PALM2AKAP2: variants seen among roughly 807,000 people sequenced by gnomAD.
The protein encoded by PALM2AKAP2 is PALM2 and AKAP2 fusion.
In PALM2AKAP2, 37 loss-of-function variants were observed where a neutral mutation model predicts 71.5. That is an observed-to-expected ratio of 0.52 (90% CI 0.40 to 0.68). PALM2AKAP2 has a LOEUF of 0.68. Ranked by LOEUF, PALM2AKAP2 falls within the 30% of genes least tolerant of loss-of-function variation. PALM2AKAP2 has a pLI of 0.00. For synonymous variants in PALM2AKAP2, 468 were observed against 478.8 expected (o/e 0.98, Z 0.29); for missense variants, 1,224 against 1,191.8 (o/e 1.03, Z -0.40).
intron 1 of PALM2AKAP2, among the ~76,000 whole-genome samples, chr9:110,070,526 C>T (rs1401929162): frequency 6.6e-6 from 1 of 152,102 alleles, no homozygotes; most frequent in Non-Finnish European, 1.5e-5. Context: ...TCAGTCGATC[C>T]TCTCATTTTT....
chr9:110,125,016 T>G (rs1045941778), intron 1 of PALM2AKAP2, among the ~76,000 whole-genome samples: 1 of 152,162 alleles, frequency 6.6e-6, no homozygotes, highest in African/African-American at 2.4e-5. Context: ...ATATTTTTTA[T>G]TTTCTAAATG....
rs10980036 is a variant in PALM2AKAP2, at chr9:109,780,816, G to C, written c.45+283G>C. On this transcript the variant is annotated intron_variant, in intron 1 of 9. Coordinates refer to the PALM2AKAP2 transcript ENST00000302798. ...GAAGGACTAAACAGAGGCTTGGGGT[G>C]GGGGGACGACTCCAGGAATATTATG... Among the ~76,000 whole-genome samples the C allele has an allele frequency of 5.9e-3, 897 of 152,264 alleles. 7 individuals are homozygous for C. The highest frequency in any genetic ancestry group is 0.019 in the African/African-American group (793 of 41,552).
At position 109,718,785 on chromosome 9, in the gene PALM2AKAP2, G is replaced by T. The variant is rs1293141711; in HGVS notation, c.6-61703G>T. 3.3e-5 allele frequency among the ~76,000 whole-genome samples: 5 copies of T among 152,122 alleles called. No individual in the cohort carries two copies. In the South Asian group the frequency reaches 8.3e-4, roughly 25 times the overall value. On this transcript the variant is annotated intron_variant, in intron 1 of 6. Coordinates refer to the PALM2AKAP2 transcript ENST00000374531. ...AGGAGTGGAGAAATGCCCTACTCAGGTTGATGTTTTTTCTTGCTCCGGGAG... is the reference window on the plus strand; with the variant it reads ...AGGAGTGGAGAAATGCCCTACTCAGTTTGATGTTTTTTCTTGCTCCGGGAG...
chr9:109,888,117 T>G (rs1275040411), intron 3 of PALM2AKAP2, among the ~76,000 whole-genome samples: 25 of 152,214 alleles, frequency 1.6e-4, no homozygotes, highest in Non-Finnish European at 3.7e-4. Flanking sequence ...TGTTCCTGAT[T>G]GCACTTTCTA....
chr9:110,068,591 G>A (rs567073), intron 1 of PALM2AKAP2, among the ~76,000 whole-genome samples: 97,200 of 146,208 alleles, frequency 0.66, 32,844 homozygotes, highest in African/African-American at 0.76. Flanking sequence ...GTGTAGTGGT[G>A]CCATCACAGC....
intron 1 of PALM2AKAP2, among the ~76,000 whole-genome samples, chr9:110,097,554 C>T (rs10980202): frequency 0.16 from 24,426 of 150,330 alleles, 2,367 homozygotes; most frequent in East Asian, 0.35. Context: ...CCCCACATCT[C>T]AGGCGATGGG....
rs979366164 is a variant in PALM2AKAP2 at position 109,928,758 on chromosome 9, G to A, written c.395-3169G>A. On this transcript the variant is annotated intron_variant, in intron 5 of 9. Transcript: ENST00000302798. ...GTGGTCTCAGCTCACTGCAACGTCC[G>A]CCTCCAGGGTTCAAGCGATTCTCCT... 4.6e-5 allele frequency among the ~76,000 whole-genome samples: 7 copies of A among 151,054 alleles called. No homozygotes were observed. In the East Asian group the frequency reaches 9.8e-4, roughly 21 times the overall value.
At chr9:109,672,895 GGT>G (rs1329413974) in intron 1 of PALM2AKAP2, among the ~76,000 whole-genome samples, 1 of 151,910 alleles carries the variant, frequency 6.6e-6, no homozygotes, top group Non-Finnish European at 1.5e-5. Flanking sequence ...GGTGCATAGA[GGT>G]GTTCATAATA....
At chr9:109,866,124 G>A (rs1183708245) in intron 1 of PALM2AKAP2, among the ~76,000 whole-genome samples, 2 of 152,148 alleles carry the variant, frequency 1.3e-5, no homozygotes, top group African/African-American at 4.8e-5. Context: ...TATTTTGTAA[G>A]GTCTGGGCAT....
intron 1 of PALM2AKAP2, among the ~76,000 whole-genome samples, chr9:109,762,986 G>C (rs1829081480): frequency 1.3e-5 from 2 of 152,184 alleles, no homozygotes; most frequent in South Asian, 4.1e-4. Flanking sequence ...CACATGATCA[G>C]AGCCAGGCAC....
At chr9:109,798,784 ATTTG>A (rs1827336385) in intron 1 of PALM2AKAP2, among the ~76,000 whole-genome samples, 1 of 152,186 alleles carries the variant, frequency 6.6e-6, no homozygotes, top group African/African-American at 2.4e-5. Flanking sequence ...CCTTCTATCA[ATTTG>A]TTTGTGCCTG....
chr9:109,993,932 C>G (rs951736267), intron 6 of PALM2AKAP2, among the ~76,000 whole-genome samples: 1 of 152,090 alleles, frequency 6.6e-6, no homozygotes, highest in Non-Finnish European at 1.5e-5. Context: ...GCAGCTCAGC[C>G]TCTCTCTTTT....
At chr9:109,679,386 C>T (rs1268871182) in intron 1 of PALM2AKAP2, among the ~76,000 whole-genome samples, 1 of 152,100 alleles carries the variant, frequency 6.6e-6, no homozygotes, top group Non-Finnish European at 1.5e-5. Context: ...ACTTTGTTCT[C>T]TTCTGTTCCA....
At chr9:110,105,469 G>T (rs1313447865) in intron 1 of PALM2AKAP2, among the ~76,000 whole-genome samples, 1 of 152,176 alleles carries the variant, frequency 6.6e-6, no homozygotes, top group Admixed American at 6.5e-5. Flanking sequence ...CTGACATTAG[G>T]TGGTGATGAT....
At chr9:109,742,820 G>A (rs534887994) in intron 1 of PALM2AKAP2, among the ~76,000 whole-genome samples, 76 of 152,292 alleles carry the variant, frequency 5.0e-4, no homozygotes, top group African/African-American at 1.7e-3. Flanking sequence ...GAAAGCAGCC[G>A]TGTTGCAGCA....
chr9:109,656,849 T>G (rs545757003), intron 1 of PALM2AKAP2, among the ~76,000 whole-genome samples: 15 of 152,296 alleles, frequency 9.8e-5, no homozygotes, highest in African/African-American at 3.6e-4. Flanking sequence ...ACAAACACAC[T>G]GTGATATTGA....
upstream of PALM2AKAP2, chr9:109,780,371 C>G: frequency 1.3e-6 from 2 of 1,595,628 alleles, no homozygotes; most frequent in Non-Finnish European, 1.7e-6. Flanking sequence ...CCCCAGCCGT[C>G]CCTGGGCGTT....
chr9:109,779,526 T>A (rs1039114807), upstream of PALM2AKAP2, among the ~76,000 whole-genome samples: 1 of 147,028 alleles, frequency 6.8e-6, no homozygotes, highest in Non-Finnish European at 1.5e-5. Flanking sequence ...TGATCCTCCA[T>A]TTTTTCAGAT....
chr9:110,158,604 T>G (rs1836520361), intron 3 of PALM2AKAP2, among the ~76,000 whole-genome samples: 1 of 152,214 alleles, frequency 6.6e-6, no homozygotes, highest in Non-Finnish European at 1.5e-5. Context: ...TTCCTCTGCA[T>G]GAATGAAGCT....
Sources: allele counts gnomAD v4.1 joint callset (sites outside exome capture counted in the v4.1 genomes callset), GRCh38; gene constraint gnomAD v4.1.1; transcripts MANE v1.5; gene names NCBI Gene and HGNC (gene_info 2026-07-23, HGNC 2026-07-21).